The following HIVEP1 variants were observed in gnomAD, a reference collection of about 807,000 sequenced individuals.
HIVEP1 encodes zinc finger protein 40.
In HIVEP1, 36 loss-of-function variants were observed where a neutral mutation model predicts 180.0. That is an observed-to-expected ratio of 0.20 (90% CI 0.15 to 0.26). The LOEUF (loss-of-function observed/expected upper bound fraction) is 0.26, where lower values mean the gene tolerates loss of function less well. Among genes scored for constraint, HIVEP1 ranks in the 10% least tolerant of loss-of-function variants. The pLI, the probability that HIVEP1 is intolerant of heterozygous loss-of-function variation, is 1.00. For synonymous variants in HIVEP1, 1,239 were observed against 1,239.0 expected (o/e 1.00, Z 0.00); for missense variants, 3,143 against 3,268.7 (o/e 0.96, Z 0.94).
rs751507651 is a variant in HIVEP1, at chr6:12,123,948, A to C, written c.4153A>C (p.Ser1385Arg). The change falls in exon 4 of 9, where the codon AGC becomes CGC. Residue 1385 changes from serine to arginine, a missense_variant. By Grantham distance (110) the Ser-to-Arg change is moderately radical. Around this residue, in one of 12 missense-constraint regions of HIVEP1, gnomAD observed 1,357 missense variants for 1,260.5 expected, o/e 1.08. Transcript: ENST00000379388. ...GTCAATGGAGGTCTCTGATCTCAGA[A>C]GCAAATCATTCGATTGTGGAAGCAT... is the stretch of plus-strand genomic sequence containing the variant. ...QTSMEVSDLR[S>R]KSFDCGSITP... 2.5e-6 allele frequency: 4 copies of C among 1,614,044 alleles called. No homozygotes were observed. Among genetic ancestry groups the C allele is most frequent in the Non-Finnish European group, 3.4e-6 (4 of 1,180,020 alleles).
intron 8 of HIVEP1, among the ~76,000 whole-genome samples, chr6:12,162,416 A>AT (rs1760465410): frequency 1.3e-5 from 2 of 152,140 alleles, no homozygotes. Flanking sequence ...TGACCCGAAA[A>AT]CACATCAAGA....
chr6:12,160,551 G>A (rs1266745353), intron 7 of HIVEP1, among the ~76,000 whole-genome samples: 1 of 152,132 alleles, frequency 6.6e-6, no homozygotes, highest in Non-Finnish European at 1.5e-5. Context: ...CTGCCCAGAT[G>A]ACTCACCCAA....
At chr6:12,168,696 A>T (rs1760826258), downstream of HIVEP1, among the ~76,000 whole-genome samples, 1 of 152,052 alleles carries the variant, frequency 6.6e-6, no homozygotes, top group South Asian at 2.1e-4. Flanking sequence ...CCAGCCAGCT[A>T]CGTGATTGTA....
At chr6:12,057,490 G>C (rs565901246) in intron 2 of HIVEP1, among the ~76,000 whole-genome samples, 3 of 152,268 alleles carry the variant, frequency 2.0e-5, no homozygotes, top group South Asian at 2.1e-4. Flanking sequence ...GTCTAGAGAT[G>C]ATCTTGATAT....
At chr6:12,024,337 A>T (rs1768443516) in intron 2 of HIVEP1, among the ~76,000 whole-genome samples, 1 of 151,350 alleles carries the variant, frequency 6.6e-6, no homozygotes, top group Non-Finnish European at 1.5e-5. Flanking sequence ...TCTAGAAAAT[A>T]TTCTAAGGCT....
intron 2 of HIVEP1, among the ~76,000 whole-genome samples, chr6:12,045,019 T>C (rs1048264631): frequency 2.0e-5 from 3 of 152,272 alleles, no homozygotes; most frequent in Non-Finnish European, 2.9e-5. Flanking sequence ...GTTTATTTTC[T>C]GGTTCTAGGG....
chr6:12,025,559 A>T (rs1413407281), intron 2 of HIVEP1, among the ~76,000 whole-genome samples: 1 of 152,216 alleles, frequency 6.6e-6, no homozygotes, highest in East Asian at 1.9e-4. Context: ...AACAGTTGAA[A>T]TTTCGGACCT....
chr6:12,102,218 T>C (rs776735674), intron 3 of HIVEP1, among the ~76,000 whole-genome samples: 1 of 152,026 alleles, frequency 6.6e-6, no homozygotes, highest in Non-Finnish European at 1.5e-5. Flanking sequence ...AGCAAGGAAA[T>C]AGAAGGCTTG....
At chr6:12,095,165 G>T (rs1160104438) in intron 3 of HIVEP1, among the ~76,000 whole-genome samples, 1 of 151,736 alleles carries the variant, frequency 6.6e-6, no homozygotes, top group Non-Finnish European at 1.5e-5. Context: ...GATTAGTGTT[G>T]CCAGTTTTCT....
upstream of HIVEP1, among the ~76,000 whole-genome samples, chr6:12,011,174 G>GT (rs1767260426): frequency 6.6e-6 from 1 of 150,460 alleles, no homozygotes; most frequent in African/African-American, 2.5e-5. Flanking sequence ...TGCCCCCTCC[G>GT]TTTTTTTAAA....
chr6:12,115,894 A>G (rs1775187435), intron 3 of HIVEP1, among the ~76,000 whole-genome samples: 1 of 151,720 alleles, frequency 6.6e-6, no homozygotes. Context: ...ATCACATTGC[A>G]TAAGCTCCAT....
At chr6:12,060,272 A>G (rs979255142) in intron 2 of HIVEP1, among the ~76,000 whole-genome samples, 1 of 152,210 alleles carries the variant, frequency 6.6e-6, no homozygotes, top group Non-Finnish European at 1.5e-5. Flanking sequence ...TCTGCTTTCC[A>G]ATCTCTGTAG....
At chr6:12,035,067 T>C (rs1268166682) in intron 2 of HIVEP1, among the ~76,000 whole-genome samples, 1 of 152,216 alleles carries the variant, frequency 6.6e-6, no homozygotes, top group Non-Finnish European at 1.5e-5. Context: ...TTATTATTTC[T>C]GGTTACGGAA....
the HIVEP1 span, among the ~76,000 whole-genome samples, chr6:12,189,099 A>G: frequency 4.6e-5 from 7 of 152,044 alleles, no homozygotes; most frequent in Non-Finnish European, 1.0e-4. Flanking sequence ...CATTTAGTAG[A>G]TAACGGTGGA....
At position 12,129,814 on chromosome 6, in the gene HIVEP1, C is replaced by G; in HGVS notation, c.6131C>G (p.Ser2044Cys). 2 of 1,592,910 alleles carry G rather than the reference C, an allele frequency of 1.3e-6. No individual in the cohort carries two copies. Among genetic ancestry groups the G allele is most frequent in the Non-Finnish European group, 1.7e-6 (2 of 1,160,986 alleles). ...GTTGAATTCAGCAATAAAGATGCCT[C>G]TGAAATTAACAGTGAGCAAGATAAA... ...TVVEFSNKDASEINSEQDKEN... is the reference protein window; with the variant it reads ...TVVEFSNKDACEINSEQDKEN... Residue 2044 changes from serine (S) to cysteine (C), a missense_variant, in exon 5 of 9, where the codon TCT becomes TGT. Physicochemically the swap from Ser to Cys is moderately radical, Grantham distance 112 (BLOSUM62 -1). Transcript: ENST00000379388.
At chr6:12,013,619 C>T (rs921283815) in intron 1 of HIVEP1, among the ~76,000 whole-genome samples, 2 of 152,204 alleles carry the variant, frequency 1.3e-5, no homozygotes, top group Admixed American at 6.5e-5. Flanking sequence ...TTCCAAATAT[C>T]GTTACCATTT....
Position 12,161,688 on chromosome 6 carries a change from T to C in HIVEP1, c.6737T>C (p.Met2246Thr), listed in dbSNP as rs1364793854. ...TTTTCTGGGGTACACACGGACCCAATGGACGTTCTGCCCAGGGCGCTGCTC... is the reference window on the plus strand; with the variant it reads ...TTTTCTGGGGTACACACGGACCCAACGGACGTTCTGCCCAGGGCGCTGCTC... ...DCFSGVHTDP[M>T]DVLPRALLTR... The change falls in exon 8 of 9, where the codon ATG becomes ACG. Residue 2246 changes from methionine (M) to threonine (T), a missense_variant. Physicochemically the swap from Met to Thr is moderately conservative, Grantham distance 81. Coordinates refer to ENST00000379388, the MANE Select transcript of HIVEP1 (RefSeq NM_002114.4). 2 of 1,614,172 alleles carry C rather than the reference T, an allele frequency of 1.2e-6. No individual in the cohort carries two copies. The highest frequency in any genetic ancestry group is 1.7e-6 in the Non-Finnish European group (2 of 1,180,026).
Position 12,121,639 on chromosome 6 carries a change from G to C in HIVEP1, c.1844G>C (p.Arg615Thr). ...AACATGTCCCAGGGTGGAGTCTCCA[G>C]GTTGGAGACTAATGAGAATTCCCAC... ...SANMSQGGVS[R>T]LETNENSHQK... The change falls in exon 4 of 9, where the codon AGG becomes ACG. Residue 615 changes from arginine to threonine, a missense_variant. Coordinates refer to ENST00000379388, the MANE Select transcript of HIVEP1 (RefSeq NM_002114.4). The surrounding 1 kb of genome is among the most constrained non-coding windows in gnomAD (Gnocchi z 5.3). 1 of 1,614,100 alleles carries C rather than the reference G, an allele frequency of 6.2e-7. No homozygotes were observed. Among genetic ancestry groups the C allele is most frequent in the Non-Finnish European group, 8.5e-7 (1 of 1,179,996 alleles).
At chr6:12,189,418 C>A in the HIVEP1 span, among the ~76,000 whole-genome samples, 1 of 151,944 alleles carries the variant, frequency 6.6e-6, no homozygotes, top group Non-Finnish European at 1.5e-5. Context: ...AAAATACCTA[C>A]ATATTGTTAG....
Sources: allele counts gnomAD v4.1 joint callset (sites outside exome capture counted in the v4.1 genomes callset), GRCh38; gene constraint gnomAD v4.1.1; regional missense constraint gnomAD v4.1.1; non-coding constraint Gnocchi (gnomAD v3.1); transcripts MANE v1.5; gene names NCBI Gene and HGNC (gene_info 2026-07-23, HGNC 2026-07-21).